The following HECW2 variants were observed in gnomAD, a reference collection of about 807,000 sequenced individuals.
The protein encoded by HECW2 is E3 ubiquitin-protein ligase HECW2.
Under a neutral mutation model 175.2 loss-of-function variants are expected in HECW2, and 61 were observed. The ratio of observed to expected loss-of-function variants is 0.35; its 90% CI spans 0.28 to 0.43. The LOEUF (loss-of-function observed/expected upper bound fraction) is 0.43. HECW2 is among the 20% of genes least tolerant of loss of function. The probability of loss-of-function intolerance (pLI) is 1.00; values close to 1 mark genes in which losing one functional copy is unlikely to be tolerated. For missense variants in HECW2, 1,524 were observed against 2,000.5 expected, an observed-to-expected ratio of 0.76 and a Z score of 4.54; for synonymous variants, 671 against 731.0, an observed-to-expected ratio of 0.92 and a Z score of 1.32.
At chr2:196,357,072 C>T (rs1443858798) in intron 2 of HECW2, among the ~76,000 whole-genome samples, 1 of 152,166 alleles carries the variant, frequency 6.6e-6, no homozygotes, top group Non-Finnish European at 1.5e-5. Context: ...GTGACATGAT[C>T]TGCATTAAAA....
At chr2:196,369,517 T>C (rs1693848844) in intron 2 of HECW2, among the ~76,000 whole-genome samples, 1 of 152,100 alleles carries the variant, frequency 6.6e-6, no homozygotes, top group Admixed American at 6.5e-5. Context: ...AACCACTGCC[T>C]GGCTACCACC....
chr2:196,215,948 A>T lies in HECW2; in HGVS notation c.4524T>A (p.Tyr1508Ter). ...QFVTGTSSIPYEGFASLRGSN... is the reference protein window; with the variant it reads ...QFVTGTSSIP Reference sequence around the variant, plus strand: ...TCCCTCGGAGTGAAGCAAATCCTTCATAGGGAATGCTGGATGTGCCTGTAA... The same window carrying T: ...TCCCTCGGAGTGAAGCAAATCCTTCTTAGGGAATGCTGGATGTGCCTGTAA... Residue 1508 changes from tyrosine to a stop codon, truncating the protein, a stop_gained, in exon 28 of 29, where the codon TAT (tyrosine) becomes TAA (stop). Transcript: ENST00000644978. LOFTEE classifies it high-confidence loss of function. 1 of 1,613,864 alleles carries T rather than the reference A, an allele frequency of 6.2e-7. No homozygotes were observed. Among genetic ancestry groups the T allele is most frequent in the Non-Finnish European group, 8.5e-7 (1 of 1,179,790 alleles).
intron 2 of HECW2, among the ~76,000 whole-genome samples, chr2:196,348,247 C>A (rs543517564): frequency 1.3e-5 from 2 of 152,292 alleles, no homozygotes; most frequent in South Asian, 4.2e-4. Flanking sequence ...TATAGGCCAA[C>A]ATATTTTTTT....
chr2:196,215,283 A>G (rs530643030), intron 28 of HECW2, among the ~76,000 whole-genome samples: 42 of 152,344 alleles, frequency 2.8e-4, no homozygotes, highest in Non-Finnish European at 6.0e-4. Flanking sequence ...ACATATGTGC[A>G]TGAACACCCA....
At chr2:196,412,143 T>C (rs542769448) in intron 2 of HECW2, among the ~76,000 whole-genome samples, 1 of 152,398 alleles carries the variant, frequency 6.6e-6, no homozygotes, top group South Asian at 2.1e-4. Flanking sequence ...GCTGCCGTGA[T>C]AAATTACCAC....
In HECW2 at chr2:196,318,828, G is replaced by T; in HGVS notation, c.2062C>A (p.Pro688Thr). ...EEEDGACAAEPTSSGPAEGSQ... is the reference protein window; with the variant it reads ...EEEDGACAAETTSSGPAEGSQ... Reference sequence around the variant, plus strand: ...CCTTCGGCAGGGCCACTGCTGGTGGGCTCTGCTGCACAGGCTCCGTCTTCC... The same window carrying T: ...CCTTCGGCAGGGCCACTGCTGGTGGTCTCTGCTGCACAGGCTCCGTCTTCC... Residue 688 changes from proline (P) to threonine (T), a missense_variant, in exon 9 of 29, where the codon CCC (proline) becomes ACC (threonine). By Grantham distance (38) the Pro-to-Thr change is conservative (BLOSUM62 -1). Transcript: ENST00000644978. 1 of 1,539,548 alleles carries T rather than the reference G, an allele frequency of 6.5e-7. No individual in the cohort carries two copies. Among genetic ancestry groups the T allele is most frequent in the Non-Finnish European group, 8.8e-7 (1 of 1,142,422 alleles).
Position 196,388,290 on chromosome 2 carries a change from T to C in HECW2, c.293-44526A>G, listed in dbSNP as rs569846668. Among the ~76,000 whole-genome samples the C allele has an allele frequency of 1.6e-3, 247 of 152,098 alleles. 1 individual carries two copies. The highest frequency in any genetic ancestry group is 2.8e-3 in the Non-Finnish European group (190 of 67,996). ...GTATGGATGATACAGTGAGACACTG[T>C]CTCAAAAAAAATTACAATTTTCTTA... On this transcript the variant is annotated intron_variant, in intron 2 of 28. Coordinates refer to ENST00000644978, the MANE Select transcript of HECW2 (RefSeq NM_001348768.2).
chr2:196,343,670 G>C lies in HECW2; in HGVS notation c.387C>G (p.Pro129=). ...TTAGTTACTTACGTTCCATGAAATA[G>C]GGCCCAGGCTCAATTCTCCATACAA... ...GQIVWRIEPG[P]YFMEPEIKIC... Residue 129 remains proline, a synonymous_variant, in exon 3 of 29, where the codon CCC becomes CCG. Transcript: ENST00000644978. 1 of 1,609,136 alleles carries C rather than the reference G, an allele frequency of 6.2e-7. No homozygotes were observed. Among genetic ancestry groups the C allele is most frequent in the Admixed American group, 1.7e-5 (1 of 59,958 alleles).
chr2:196,229,696 G>A (rs1687980134), intron 21 of HECW2, among the ~76,000 whole-genome samples: 1 of 152,006 alleles, frequency 6.6e-6, no homozygotes, highest in South Asian at 2.1e-4. Flanking sequence ...GGATCCTATA[G>A]GCAGAAGATA....
chr2:196,209,281 C>CT (rs991994929), intron 28 of HECW2, among the ~76,000 whole-genome samples: 95 of 152,286 alleles, frequency 6.2e-4, no homozygotes, highest in African/African-American at 1.9e-3. Flanking sequence ...GTCACAAATT[C>CT]TTTCAATAGC....
chr2:196,486,272 T>C (rs1009730737), intron 1 of HECW2, among the ~76,000 whole-genome samples: 2 of 152,240 alleles, frequency 1.3e-5, no homozygotes, highest in African/African-American at 2.4e-5. Context: ...CATTTCTCTA[T>C]GCAAACTAAA....
intron 15 of HECW2, 70 bp from the exon 16 acceptor site, chr2:196,274,193 A>C: frequency 9.0e-7 from 1 of 1,113,156 alleles, no homozygotes; most frequent in Admixed American, 1.9e-5. Context: ...TCCCAAACCA[A>C]GTTGTTCAAA....
chr2:196,533,746 A>G (rs1466492436), intron 1 of HECW2, among the ~76,000 whole-genome samples: 5 of 152,188 alleles, frequency 3.3e-5, no homozygotes, highest in Admixed American at 3.3e-4. Flanking sequence ...TCTCACTGTA[A>G]AACAGTTATA....
intron 26 of HECW2, 66 bp from the exon 27 acceptor site, chr2:196,217,159 G>A: frequency 9.4e-7 from 1 of 1,066,702 alleles, no homozygotes; most frequent in South Asian, 1.4e-5. Flanking sequence ...CAAGATACGT[G>A]ACACGAAGAG....
intron 1 of HECW2, among the ~76,000 whole-genome samples, chr2:196,572,526 T>C (rs913487819): frequency 2.0e-5 from 3 of 152,180 alleles, no homozygotes; most frequent in Non-Finnish European, 4.4e-5. Flanking sequence ...ATTGGTTGCA[T>C]AACAGTGTGA....
chr2:196,253,017 C>A (rs528273812), intron 19 of HECW2, among the ~76,000 whole-genome samples: 1 of 152,346 alleles, frequency 6.6e-6, no homozygotes, highest in African/African-American at 2.4e-5. Context: ...TCTCTGTAGT[C>A]CTAGAGTCTA....
rs71009094 is a variant in HECW2, at chr2:196,278,133, A to AATATAT, written c.3135+389_3135+394dup. On this transcript the variant is annotated intron_variant, in intron 15 of 28. Transcript: ENST00000644978. ...CCTAGAACTTAAAGTATAATTAAAA[A>AATATAT]ATATATATATATATATATAAAGAAA... Among the ~76,000 whole-genome samples the AATATAT allele has an allele frequency of 1.4e-4, 9 of 66,566 alleles. No individual in the cohort carries two copies. In the East Asian group the frequency reaches 9.3e-3, roughly 69 times the overall value. The allele number at this position is 66,566 out of a possible 152,430, so 43.7% of individuals were successfully genotyped here.
intron 1 of HECW2, among the ~76,000 whole-genome samples, chr2:196,564,241 C>T (rs1474044806): frequency 3.3e-5 from 5 of 151,980 alleles, no homozygotes; most frequent in Non-Finnish European, 5.9e-5. Context: ...TAAAAAAAGG[C>T]AGGGGAATTT....
intron 1 of HECW2, among the ~76,000 whole-genome samples, chr2:196,545,970 T>C (rs1186697164): frequency 6.6e-6 from 1 of 152,238 alleles, no homozygotes; most frequent in Non-Finnish European, 1.5e-5. Flanking sequence ...TCCAAGTATA[T>C]ATCTTTGACT....
Sources: gnomAD v4.1 joint callset for allele counts (sites outside exome capture counted in the v4.1 genomes callset) on GRCh38, gnomAD v4.1.1 for gene constraint, MANE v1.5 for transcripts, NCBI Gene and HGNC (gene_info 2026-07-23, HGNC 2026-07-21) for gene names.